Variants in PRKCB observed in about 807,000 individuals in gnomAD.
PRKCB encodes protein kinase C beta.
PRKCB carries 13 observed loss-of-function variants against 81.5 expected under a neutral mutation model. That is an observed-to-expected ratio of 0.16 (90% CI 0.10 to 0.25). The LOEUF is 0.25. Among genes scored for constraint, PRKCB ranks in the 10% least tolerant of loss-of-function variants. PRKCB has a pLI of 1.00. For synonymous variants in PRKCB, 335 were observed against 321.4 expected (o/e 1.04, Z -0.45); for missense variants, 509 against 875.7 (o/e 0.58, Z 5.29).
At position 23,944,696 on chromosome 16, in the gene PRKCB, C is replaced by T. The variant is rs542855441; in HGVS notation, c.206-43812C>T. Reference sequence around the variant, plus strand: ...CTGCCACTTTGGGTGGCTGGAAAAACCTCACAAAGGGTGCAGTGTCTGCGG... The same window carrying T: ...CTGCCACTTTGGGTGGCTGGAAAAATCTCACAAAGGGTGCAGTGTCTGCGG... On this transcript the variant is annotated intron_variant, in intron 2 of 16. Transcript: ENST00000643927. 1.8e-4 allele frequency among the ~76,000 whole-genome samples: 28 copies of T among 152,312 alleles called. 1 individual carries two copies. The South Asian group carries it at 3.1e-3, about 17-fold the overall frequency.
intron 16 of PRKCB, among the ~76,000 whole-genome samples, chr16:24,207,664 T>G (rs1968067858): frequency 6.6e-6 from 1 of 152,254 alleles, no homozygotes; most frequent in East Asian, 1.9e-4. Context: ...TGGCCCATAG[T>G]AGATTCCCAA....
intron 2 of PRKCB, among the ~76,000 whole-genome samples, chr16:23,930,394 C>T (rs1963954420): frequency 6.6e-6 from 1 of 152,014 alleles, no homozygotes; most frequent in African/African-American, 2.4e-5. Context: ...CATGGTGAAA[C>T]CCTATCTCTA....
rs1254594390 is a variant in PRKCB, at chr16:24,217,805, A to G, written c.*2989A>G. ...AGCTTTGTGTCTTCTAGCTCCAAATATACCTGCCTTTTAGCTCACACACTG... is the reference window on the plus strand; with the variant it reads ...AGCTTTGTGTCTTCTAGCTCCAAATGTACCTGCCTTTTAGCTCACACACTG... On this transcript the variant is annotated 3_prime_UTR_variant, in exon 17 of 17. Coordinates refer to ENST00000643927, the MANE Select transcript of PRKCB (RefSeq NM_002738.7). The G allele has an allele frequency of 1.0e-6, 1 of 985,446 alleles. No homozygotes were observed. The highest frequency in any genetic ancestry group is 1.2e-6 in the Non-Finnish European group (1 of 829,954). The allele number at this position is 985,446 out of a possible 1,614,324, so 61.0% of individuals were successfully genotyped here.
intron 10 of PRKCB, among the ~76,000 whole-genome samples, chr16:24,159,350 G>A (rs935534579): frequency 1.3e-5 from 2 of 152,180 alleles, no homozygotes; most frequent in East Asian, 1.9e-4. Context: ...CCAAGCTTTT[G>A]TTAGTACATC....
intron 2 of PRKCB, among the ~76,000 whole-genome samples, chr16:23,879,477 C>T (rs1963070299): frequency 7.7e-6 from 1 of 129,270 alleles, no homozygotes; most frequent in Non-Finnish European, 1.6e-5. Context: ...GGTCCTTTAG[C>T]TATCCTTTTT....
chr16:24,113,346 AC>A lies in PRKCB; in HGVS notation c.918+283del, dbSNP rs922198083. Among the ~76,000 whole-genome samples, 29 of 114,060 alleles carry A rather than the reference AC, an allele frequency of 2.5e-4. No homozygotes were observed. In the South Asian group the frequency reaches 5.0e-3, roughly 19 times the overall value. 74.8% of individuals were successfully genotyped at this position (114,060 alleles called of 152,430 possible). Reference sequence around the variant, plus strand: ...GCTTTCTTTCTTGCTTGCTTTCTTTACCCCCCTTTTCTTTGTTTTTTCCTTC... The same window carrying A: ...GCTTTCTTTCTTGCTTGCTTTCTTTACCCCCTTTTCTTTGTTTTTTCCTTC... On this transcript the variant is annotated intron_variant, in intron 8 of 16. Coordinates refer to ENST00000643927, the MANE Select transcript of PRKCB (RefSeq NM_002738.7).
At chr16:23,931,128 A>G (rs1963967763) in intron 2 of PRKCB, among the ~76,000 whole-genome samples, 1 of 152,230 alleles carries the variant, frequency 6.6e-6, no homozygotes, top group South Asian at 2.1e-4. Context: ...GGGGTCAGTG[A>G]AGACACGCTC....
rs544255089 is a variant in PRKCB, at chr16:24,018,134, C to T, written c.289-14002C>T. ...CAGGATGGTCTCGATCTCCTGACCTCGTGATCCGCCCACCTCGGCCTCCCA... is the reference window on the plus strand; with the variant it reads ...CAGGATGGTCTCGATCTCCTGACCTTGTGATCCGCCCACCTCGGCCTCCCA... On this transcript the variant is annotated intron_variant, in intron 3 of 16. Coordinates refer to ENST00000643927, the MANE Select transcript of PRKCB (RefSeq NM_002738.7). Among the ~76,000 whole-genome samples, 11 of 152,132 alleles carry T rather than the reference C, an allele frequency of 7.2e-5. No individual in the cohort carries two copies. The South Asian group carries it at 1.7e-3, about 23-fold the overall frequency.
At chr16:24,112,810 C>T (rs932041073) in intron 7 of PRKCB, among the ~76,000 whole-genome samples, 163 bp from the exon 8 acceptor site, 1 of 147,510 alleles carries the variant, frequency 6.8e-6, no homozygotes, top group Non-Finnish European at 1.5e-5. Context: ...ATGCACACTA[C>T]CCCCACCCAA....
intron 3 of PRKCB, among the ~76,000 whole-genome samples, chr16:24,027,240 C>T (rs147593456): frequency 2.0e-4 from 30 of 152,062 alleles, no homozygotes; most frequent in East Asian, 7.7e-4. Flanking sequence ...TGAGAACATG[C>T]GGTGTTTGAT....
At chr16:24,113,392 CCT>C (rs370085492) in intron 8 of PRKCB, among the ~76,000 whole-genome samples, 2 of 150,868 alleles carry the variant, frequency 1.3e-5, no homozygotes, top group Non-Finnish European at 3.0e-5. Context: ...TGCCTTCCTT[CCT>C]CTCTCTTTCT....
At chr16:24,172,860 A>G (rs530502686) in intron 11 of PRKCB, among the ~76,000 whole-genome samples, 6 of 152,248 alleles carry the variant, frequency 3.9e-5, no homozygotes, top group South Asian at 2.1e-4. Flanking sequence ...TTATGTGTCC[A>G]TTTGCTAATA....
At chr16:24,113,792 C>T (rs772134222) in intron 8 of PRKCB, among the ~76,000 whole-genome samples, 8 of 152,066 alleles carry the variant, frequency 5.3e-5, no homozygotes, top group Non-Finnish European at 2.9e-5. Context: ...CAATTAAATG[C>T]CCTTGCCTTA....
rs1186279375 is a variant in PRKCB, at chr16:24,147,944, G to A, written c.1066-6740G>A. ...CCCAACGTTGCCCTTTTTTTCCTTGGCACAAACACTAGGCCTTTGAGTATC... is the reference window on the plus strand; with the variant it reads ...CCCAACGTTGCCCTTTTTTTCCTTGACACAAACACTAGGCCTTTGAGTATC... On this transcript the variant is annotated intron_variant, in intron 9 of 16. Transcript: ENST00000643927. 2.0e-5 allele frequency among the ~76,000 whole-genome samples: 3 copies of A among 151,926 alleles called. No individual in the cohort carries two copies. In the East Asian group the frequency reaches 5.8e-4, roughly 29 times the overall value.
At chr16:24,111,404 C>CA (rs1966674534) in intron 7 of PRKCB, 1 of 152,086 alleles carries the variant, frequency 6.6e-6, no homozygotes, top group Non-Finnish European at 1.5e-5. Context: ...TAGAATGTCC[C>CA]TTTTCTTTCC....
At chr16:24,093,069 G>T (rs1334229750) in intron 6 of PRKCB, 122 bp downstream of exon 6, 3 of 1,059,580 alleles carry the variant, frequency 2.8e-6, no homozygotes, top group Non-Finnish European at 4.0e-6. Flanking sequence ...CTCCTTTTCT[G>T]TCTTCTCCAT....
chr16:23,875,684 CATATATGTATGTATATCACACATAT>C (rs1962998316), intron 2 of PRKCB, among the ~76,000 whole-genome samples: 1 of 34,924 alleles, frequency 2.9e-5, no homozygotes, highest in African/African-American at 9.5e-5. Flanking sequence ...ATATCACACA[CATATATGTATGTATATCACACATAT>C]ATATGTATGT....
intron 5 of PRKCB, among the ~76,000 whole-genome samples, chr16:24,067,300 T>G (rs576844182): frequency 1.3e-5 from 2 of 151,988 alleles, no homozygotes; most frequent in Non-Finnish European, 2.9e-5. Flanking sequence ...CCCTCTTGTC[T>G]GTTTTTTTAA....
chr16:23,891,724 T>C (rs1296417059), intron 2 of PRKCB, among the ~76,000 whole-genome samples: 1 of 152,162 alleles, frequency 6.6e-6, no homozygotes, highest in Admixed American at 6.5e-5. Flanking sequence ...CATCCAATGC[T>C]CAGTTTTCAA....
Sources: allele counts gnomAD v4.1 joint callset (sites outside exome capture counted in the v4.1 genomes callset), GRCh38; gene constraint gnomAD v4.1.1; transcripts MANE v1.5; gene names NCBI Gene and HGNC (gene_info 2026-07-23, HGNC 2026-07-21).